RNMT: variants seen among roughly 807,000 people sequenced by gnomAD.
The protein encoded by RNMT is mRNA cap guanine-N(7) methyltransferase.
A neutral mutation model predicts 56.0 loss-of-function variants in RNMT; 27 were observed. The observed-to-expected ratio is 0.48, with a 90% CI of 0.36 to 0.67. The LOEUF is 0.67. Ranked by LOEUF, RNMT falls within the 30% of genes least tolerant of loss-of-function variation. RNMT has a pLI of 0.00. For synonymous variants in RNMT, 184 were observed against 176.2 expected (o/e 1.04, Z -0.35); for missense variants, 519 against 552.1 (o/e 0.94, Z 0.60).
rs1211244241 is a variant in RNMT, at chr18:13,731,493, T to C, written c.-25T>C. The C allele has an allele frequency of 6.4e-7, 1 of 1,554,064 alleles. No individual in the cohort carries two copies. Reference sequence around the variant, plus strand: ...TATTCTAGTGTTGGTTCATGAAGTTTTACCATCAATTCAAGTAATCATAAA... The same window carrying C: ...TATTCTAGTGTTGGTTCATGAAGTTCTACCATCAATTCAAGTAATCATAAA... On this transcript the variant is annotated 5_prime_UTR_variant, in exon 3 of 12. Transcript: ENST00000383314.
rs2044075538 is a variant in RNMT at position 13,731,841 on chromosome 18, A to G, written c.324A>G (p.Glu108=). The change falls in exon 3 of 12, where the codon GAA becomes GAG. Residue 108 remains glutamate, a synonymous_variant. Coordinates refer to ENST00000383314, the MANE Select transcript of RNMT (RefSeq NM_003799.3). Reference sequence around the variant, plus strand: ...GCAATTCAAAGAAAAGAAAAAGAGAAACTGAGGATGTTCCAAAAGATAAAT... The same window carrying G: ...GCAATTCAAAGAAAAGAAAAAGAGAGACTGAGGATGTTCCAAAAGATAAAT... ...AEGNSKKRKR[E]TEDVPKDKSS... is the part of the protein sequence containing the mutation. 16 of 1,613,246 alleles carry G rather than the reference A, an allele frequency of 9.9e-6. No homozygotes were observed. The highest frequency in any genetic ancestry group is 1.7e-5 in the Admixed American group (1 of 59,876).
chr18:13,737,698 A>G (rs1410274650), intron 5 of RNMT, among the ~76,000 whole-genome samples: 1 of 152,112 alleles, frequency 6.6e-6, no homozygotes, highest in Non-Finnish European at 1.5e-5. Flanking sequence ...ATTGGCAAAA[A>G]TAGGGCAATT....
In RNMT at chr18:13,731,698, G is replaced by C; in HGVS notation, c.181G>C (p.Glu61Gln). ...AGTAGACATAGCAAGAAAGAGAAAA[G>C]AGTTTGAAGATGATCTTGTAAAGGA... ...RQVDIARKRK[E>Q]FEDDLVKESS... The change falls in exon 3 of 12, where the codon GAG becomes CAG. Residue 61 changes from glutamate to glutamine, a missense_variant. Physicochemically the swap from Glu to Gln is conservative, Grantham distance 29. Transcript: ENST00000383314. 1.2e-6 allele frequency: 2 copies of C among 1,613,724 alleles called. No homozygotes were observed. Among genetic ancestry groups the C allele is most frequent in the Non-Finnish European group, 1.7e-6 (2 of 1,179,936 alleles).
intron 10 of RNMT, among the ~76,000 whole-genome samples, chr18:13,752,887 A>G (rs920815958): frequency 1.3e-5 from 2 of 152,390 alleles, no homozygotes; most frequent in East Asian, 1.9e-4. Context: ...AGATATTTTC[A>G]TAGCACATTT....
Position 13,761,468 on chromosome 18 carries a change from ACAT to A in RNMT, c.*1496_*1498del. ...TGATAGCTTTGTAGGTACAGGAAAA[ACAT>A]CATCATTATTTCCTCTGTTCACATT... On this transcript the variant is annotated 3_prime_UTR_variant, in exon 12 of 12. Transcript: ENST00000383314. 1 of 986,196 alleles carries A rather than the reference ACAT, an allele frequency of 1.0e-6. No individual in the cohort carries two copies. The highest frequency in any genetic ancestry group is 1.2e-6 in the Non-Finnish European group (1 of 830,468). 61.1% of individuals were successfully genotyped at this position (986,196 alleles called of 1,614,324 possible). A position where few individuals can be genotyped will look rare whatever the true frequency, so the allele number is the denominator to read the frequency against.
chr18:13,762,399 T>G lies in RNMT; in HGVS notation c.*2420T>G, dbSNP rs2044631529. ...TTCTAACCTGTGGAAAGTATTGCAA[T>G]TCTGTGAGAGTGACTCTGCAGAGTC... On this transcript the variant is annotated 3_prime_UTR_variant, in exon 12 of 12. Coordinates refer to ENST00000383314, the MANE Select transcript of RNMT (RefSeq NM_003799.3). 14 of 462,168 alleles carry G rather than the reference T, an allele frequency of 3.0e-5. No homozygotes were observed. The South Asian group carries it at 3.1e-4, about 10-fold the overall frequency. 28.6% of individuals were successfully genotyped at this position (462,168 alleles called of 1,614,324 possible).
chr18:13,727,886 A>G (rs1861953568), intron 1 of RNMT, among the ~76,000 whole-genome samples: 1 of 152,230 alleles, frequency 6.6e-6, no homozygotes, highest in Admixed American at 6.5e-5. Flanking sequence ...TAACATAATG[A>G]CATCCGGTTT....
chr18:13,762,013 G>A lies in RNMT; in HGVS notation c.*2034G>A, dbSNP rs774468154. On this transcript the variant is annotated 3_prime_UTR_variant, in exon 12 of 12. Transcript: ENST00000383314. ...GGACTCTTCCTTGACACACCTTGTC[G>A]TCTAAATGTTCGGTATTCTATTCAG... 41 of 1,535,878 alleles carry A rather than the reference G, an allele frequency of 2.7e-5. 1 individual carries two copies. Among genetic ancestry groups the A allele is most frequent in the South Asian group, 2.5e-4 (21 of 84,056 alleles).
At chr18:13,758,052 G>A (rs1337314753) in intron 11 of RNMT, among the ~76,000 whole-genome samples, 2 of 152,126 alleles carry the variant, frequency 1.3e-5, no homozygotes, top group African/African-American at 4.8e-5. Flanking sequence ...ATTTTTCTGA[G>A]CAGTAGGTCT....
chr18:13,738,876 CTG>C (rs1426763239), intron 5 of RNMT, among the ~76,000 whole-genome samples: 1 of 152,314 alleles, frequency 6.6e-6, no homozygotes, highest in Middle Eastern at 3.4e-3. Context: ...TCATGGAAGA[CTG>C]TTTTTCCACA....
In RNMT at chr18:13,741,668, T is replaced by C; in HGVS notation, c.951T>C (p.Thr317=). Residue 317 remains threonine, a synonymous_variant, in exon 7 of 12, where the codon ACT becomes ACC. Coordinates refer to ENST00000383314, the MANE Select transcript of RNMT (RefSeq NM_003799.3). ...RLSPGGYFIG[T]TPNSFELIRR... is the part of the protein sequence containing the mutation. ...GCCCTGGGGGCTATTTTATTGGTAC[T>C]ACTCCCAATAGCTTTGAATTGATGT... 6.2e-7 allele frequency: 1 copy of C among 1,610,978 alleles called. No homozygotes were observed.
intron 8 of RNMT, among the ~76,000 whole-genome samples, chr18:13,744,815 T>G (rs114194800): frequency 0.017 from 2,613 of 152,296 alleles, 76 homozygotes; most frequent in African/African-American, 0.059. Flanking sequence ...CCACTCTTCC[T>G]TTAACTGCTG....
At chr18:13,745,795 C>G (rs1284569259) in intron 8 of RNMT, among the ~76,000 whole-genome samples, 1 of 151,214 alleles carries the variant, frequency 6.6e-6, no homozygotes, top group African/African-American at 2.4e-5. Context: ...AGAAGCAGTT[C>G]ATGATGTAGG....
chr18:13,743,959 T>G (rs1045156819), intron 8 of RNMT, among the ~76,000 whole-genome samples: 2 of 151,966 alleles, frequency 1.3e-5, no homozygotes, highest in Admixed American at 1.3e-4. Context: ...ATTTTCCTTT[T>G]AATTTTTAAA....
intron 3 of RNMT, 105 bp downstream of exon 3, chr18:13,732,039 C>A: frequency 1.1e-6 from 1 of 932,950 alleles, no homozygotes; most frequent in Non-Finnish European, 1.6e-6. Context: ...TAAGAATGTT[C>A]TATTTTTAAT....
intron 3 of RNMT, 75 bp from the exon 4 acceptor site, chr18:13,734,389 A>G: frequency 1.5e-6 from 2 of 1,342,438 alleles, no homozygotes. Flanking sequence ...TTATCCATTC[A>G]CAGGTCAAAT....
rs116557593 is a variant in RNMT at position 13,737,803 on chromosome 18, T to C, written c.679+668T>C. Among the ~76,000 whole-genome samples the C allele has an allele frequency of 8.7e-3, 1,311 of 150,852 alleles. 24 individuals carry two copies. The highest frequency in any genetic ancestry group is 0.03 in the African/African-American group (1,248 of 41,222). ...TGCTAAGAAACTATTCTGAAACTTA[T>C]AAATTAAGGGGAGGAAATCAAACAT... On this transcript the variant is annotated intron_variant, in intron 5 of 11. Coordinates refer to ENST00000383314, the MANE Select transcript of RNMT (RefSeq NM_003799.3).
In RNMT at chr18:13,762,231, A is replaced by G; in HGVS notation, c.*2252A>G. On this transcript the variant is annotated 3_prime_UTR_variant, in exon 12 of 12. Coordinates refer to ENST00000383314, the MANE Select transcript of RNMT (RefSeq NM_003799.3). ...ACGGAACTGGGGATTGCGATGATTGATCTGGGAACATGGCTGGATTGTGAT... is the reference window on the plus strand; with the variant it reads ...ACGGAACTGGGGATTGCGATGATTGGTCTGGGAACATGGCTGGATTGTGAT... 2 of 1,406,546 alleles carry G rather than the reference A, an allele frequency of 1.4e-6. No homozygotes were observed. The highest frequency in any genetic ancestry group is 1.9e-6 in the Non-Finnish European group (2 of 1,056,246). 87.1% of individuals were successfully genotyped at this position (1,406,546 alleles called of 1,614,324 possible). A position where few individuals can be genotyped will look rare whatever the true frequency, so the allele number is the denominator to read the frequency against.
Position 13,760,044 on chromosome 18 carries a change from G to A in RNMT, c.*65G>A, listed in dbSNP as rs1598432142. On this transcript the variant is annotated 3_prime_UTR_variant, in exon 12 of 12. Transcript: ENST00000383314. ...TGCACAAATTTGAACAACTCATCTC[G>A]ATATATTTGATATTTCTCTGTCTGT... 7.6e-6 allele frequency: 12 copies of A among 1,571,376 alleles called. No homozygotes were observed. Among genetic ancestry groups the A allele is most frequent in the East Asian group, 6.8e-5 (3 of 43,974 alleles).
Sources: gnomAD v4.1 joint callset for allele counts (sites outside exome capture counted in the v4.1 genomes callset) on GRCh38, gnomAD v4.1.1 for gene constraint, MANE v1.5 for transcripts, NCBI Gene and HGNC (gene_info 2026-07-23, HGNC 2026-07-21) for gene names.